DOCK2: variants seen among roughly 807,000 people sequenced by gnomAD.
The protein encoded by DOCK2 is dedicator of cytokinesis 2, also known as dedicator of cytokinesis protein 2.
A neutral mutation model predicts 248.9 loss-of-function variants in DOCK2; 87 were observed. That is an observed-to-expected ratio of 0.35 (90% CI 0.29 to 0.42). DOCK2 has a LOEUF of 0.42. Ranked by LOEUF, DOCK2 falls within the 10% of genes least tolerant of loss-of-function variation. The pLI is 1.00. For synonymous variants in DOCK2, 805 were observed against 821.6 expected, an observed-to-expected ratio of 0.98 and a Z score of 0.35; for missense variants, 1,747 against 2,300.2, an observed-to-expected ratio of 0.76 and a Z score of 4.92.
chr5:169,824,606 T>C (rs1768719747), intron 26 of DOCK2, among the ~76,000 whole-genome samples: 1 of 152,218 alleles, frequency 6.6e-6, no homozygotes, highest in Non-Finnish European at 1.5e-5. Context: ...TCCTTACACC[T>C]TATACAAAAA....
At chr5:169,680,402 C>T (rs1759594531) in intron 6 of DOCK2, among the ~76,000 whole-genome samples, 2 of 152,138 alleles carry the variant, frequency 1.3e-5, no homozygotes, top group South Asian at 4.1e-4. Context: ...CAAATCAATA[C>T]CAAACAGGGA....
intron 1 of DOCK2, among the ~76,000 whole-genome samples, chr5:169,641,473 C>T (rs956955467): frequency 1.3e-5 from 2 of 152,196 alleles, no homozygotes; most frequent in South Asian, 4.1e-4. Flanking sequence ...GTGCTGGTGT[C>T]ATTTGCACAT....
At chr5:169,659,988 C>T (rs1246030292) in intron 2 of DOCK2, among the ~76,000 whole-genome samples, 1 of 152,148 alleles carries the variant, frequency 6.6e-6, no homozygotes, top group Non-Finnish European at 1.5e-5. Flanking sequence ...TTGAACAAGA[C>T]CTGGGGAAGG....
At position 169,671,059 on chromosome 5, in the gene DOCK2, T is replaced by C; in HGVS notation, c.225-19T>C. ...CCTGGGTCTCAATTTCACACCACTT[T>C]TTCTCCCACCTTAAATAGAAATACT... On this transcript the variant is annotated intron_variant, in intron 4 of 51. Coordinates refer to ENST00000520908, the MANE Select transcript of DOCK2 (RefSeq NM_004946.3). 1 of 1,610,770 alleles carries C rather than the reference T, an allele frequency of 6.2e-7. No homozygotes were observed. Among genetic ancestry groups the C allele is most frequent in the Non-Finnish European group, 8.5e-7 (1 of 1,177,674 alleles).
At chr5:169,935,600 C>T (rs1349343130) in intron 27 of DOCK2, among the ~76,000 whole-genome samples, 5 of 152,162 alleles carry the variant, frequency 3.3e-5, no homozygotes, top group South Asian at 4.1e-4. Context: ...AGTTTTATCA[C>T]GTCCTACCTA....
intron 22 of DOCK2, among the ~76,000 whole-genome samples, chr5:169,739,629 C>T (rs1013712307): frequency 1.3e-5 from 2 of 152,142 alleles, no homozygotes; most frequent in East Asian, 1.9e-4. Context: ...TAGCTTTGCA[C>T]GTGTGTCTGC....
chr5:170,054,697 C>T (rs773376945), intron 41 of DOCK2, among the ~76,000 whole-genome samples: 2 of 152,166 alleles, frequency 1.3e-5, no homozygotes, highest in African/African-American at 4.8e-5. Context: ...TTTACAGATC[C>T]GGACTCAGTT....
intron 15 of DOCK2, among the ~76,000 whole-genome samples, chr5:169,709,563 A>C (rs995585305): frequency 6.6e-6 from 1 of 152,046 alleles, no homozygotes; most frequent in African/African-American, 2.4e-5. Flanking sequence ...ACATACATAC[A>C]TACATAAATG....
In DOCK2 at chr5:169,856,454, G is replaced by C. The variant is rs370899140; in HGVS notation, c.2799+15602G>C. On this transcript the variant is annotated intron_variant, in intron 27 of 51. Transcript: ENST00000520908. ...GTTCATCTGAGATTTTTGGAGCTGA[G>C]GGGTGCATATTAGTGGAGATGAGGT... is the stretch of plus-strand genomic sequence containing the variant. Among the ~76,000 whole-genome samples the C allele has an allele frequency of 3.9e-3, 588 of 152,256 alleles. 38 individuals carry two copies. In the South Asian group the frequency reaches 0.12, roughly 30 times the overall value.
chr5:169,953,351 G>A (rs1307080818), intron 27 of DOCK2, among the ~76,000 whole-genome samples: 3 of 148,456 alleles, frequency 2.0e-5, no homozygotes, highest in Non-Finnish European at 4.5e-5. Flanking sequence ...AAAAAAAAGA[G>A]AGAGAGAGAG....
At chr5:170,037,966 T>C (rs1173337625) in intron 36 of DOCK2, among the ~76,000 whole-genome samples, 1 of 152,198 alleles carries the variant, frequency 6.6e-6, no homozygotes, top group Non-Finnish European at 1.5e-5. Context: ...TATATCTAGG[T>C]ACCTAGTTTA....
At chr5:169,956,877 G>T (rs1200934556) in intron 27 of DOCK2, among the ~76,000 whole-genome samples, 1 of 152,144 alleles carries the variant, frequency 6.6e-6, no homozygotes, top group African/African-American at 2.4e-5. Context: ...AGGAAAATGT[G>T]TAGGATGTTT....
intron 23 of DOCK2, among the ~76,000 whole-genome samples, chr5:169,759,231 A>C (rs770806958): frequency 6.6e-5 from 10 of 152,270 alleles, no homozygotes; most frequent in Non-Finnish European, 1.3e-4. Context: ...AAGCAATTCA[A>C]GTACACCATC....
intron 1 of DOCK2, among the ~76,000 whole-genome samples, chr5:169,641,673 C>G (rs1757161338): frequency 6.6e-6 from 1 of 152,202 alleles, no homozygotes; most frequent in Non-Finnish European, 1.5e-5. Context: ...ACCTCTGCCT[C>G]TCCTCTCATG....
At chr5:169,982,092 A>T (rs1263793161) in intron 27 of DOCK2, among the ~76,000 whole-genome samples, 1 of 151,240 alleles carries the variant, frequency 6.6e-6, no homozygotes, top group Non-Finnish European at 1.5e-5. Flanking sequence ...TTTGGTTCAA[A>T]CATAATACTT....
At chr5:169,973,121 C>A (rs1430557006) in intron 27 of DOCK2, among the ~76,000 whole-genome samples, 2 of 152,186 alleles carry the variant, frequency 1.3e-5, no homozygotes, top group East Asian at 1.9e-4. Flanking sequence ...CTTTTATCCA[C>A]AAAGTAATCT....
At chr5:169,769,091 GCTT>G (rs1285352339) in intron 25 of DOCK2, among the ~76,000 whole-genome samples, 1 of 152,176 alleles carries the variant, frequency 6.6e-6, no homozygotes, top group Non-Finnish European at 1.5e-5. Context: ...AAATGAAGCT[GCTT>G]CTTTTTGTTT....
chr5:169,954,433 C>A (rs1776785323), intron 27 of DOCK2, among the ~76,000 whole-genome samples: 1 of 151,958 alleles, frequency 6.6e-6, no homozygotes, highest in Non-Finnish European at 1.5e-5. Flanking sequence ...TTTTGAAGCC[C>A]CAAAAAATGT....
At chr5:169,676,523 C>G (rs918378844) in intron 6 of DOCK2, among the ~76,000 whole-genome samples, 1 of 152,114 alleles carries the variant, frequency 6.6e-6, no homozygotes, top group African/African-American at 2.4e-5. Context: ...GCTCAGGGGC[C>G]CCCTTATTCA....
Sources: gnomAD v4.1 joint callset for allele counts (sites outside exome capture counted in the v4.1 genomes callset) on GRCh38, gnomAD v4.1.1 for gene constraint, MANE v1.5 for transcripts, NCBI Gene and HGNC (gene_info 2026-07-23, HGNC 2026-07-21) for gene names.